Variants in ABL1 observed in about 807,000 individuals in gnomAD.
ABL1 encodes the protein tyrosine-protein kinase ABL1.
In ABL1, 11 loss-of-function variants were observed where a neutral mutation model predicts 94.7. The observed-to-expected ratio is 0.12, with a 90% CI of 0.07 to 0.19. ABL1 has a LOEUF of 0.19. Ranked by LOEUF, ABL1 falls within the 10% of genes least tolerant of loss-of-function variation. ABL1 has a pLI of 1.00. For synonymous variants in ABL1, 656 were observed against 622.4 expected (o/e 1.05, Z -0.80); for missense variants, 1,082 against 1,489.4 (o/e 0.73, Z 4.50).
rs751944744 is a variant in ABL1 at position 130,854,276 on chromosome 9, A to G, written c.253+39A>G. On this transcript the variant is annotated intron_variant, in intron 2 of 10. Coordinates refer to ENST00000318560, the MANE Select transcript of ABL1 (RefSeq NM_005157.6). ...GGGCAGCTAGTGGTGGTTGCAGGAGATAGAAATCTGGGAATTGCGGTTTGA... is the reference window on the plus strand; with the variant it reads ...GGGCAGCTAGTGGTGGTTGCAGGAGGTAGAAATCTGGGAATTGCGGTTTGA... The G allele has an allele frequency of 2.5e-6, 4 of 1,597,386 alleles. No individual in the cohort carries two copies. In the Admixed American group the frequency reaches 7.0e-5, roughly 28 times the overall value.
intron 1 of ABL1, among the ~76,000 whole-genome samples, chr9:130,802,278 GAAAC>G (rs1830066114): frequency 6.6e-6 from 1 of 151,774 alleles, no homozygotes; most frequent in East Asian, 1.9e-4. Flanking sequence ...ATTTTTACTA[GAAAC>G]AGAGTCTTGC....
At chr9:130,758,185 G>C (rs1832065537) in intron 1 of ABL1, among the ~76,000 whole-genome samples, 1 of 150,740 alleles carries the variant, frequency 6.6e-6, no homozygotes, top group Non-Finnish European at 1.5e-5. Context: ...TTTTGAGACA[G>C]AGTCTCGCTC....
At chr9:130,848,095 T>C (rs1225612356) in intron 1 of ABL1, among the ~76,000 whole-genome samples, 1 of 152,196 alleles carries the variant, frequency 6.6e-6, no homozygotes, top group African/African-American at 2.4e-5. Flanking sequence ...CAAAGTTGTA[T>C]GCTCATGGCC....
chr9:130,804,541 G>A (rs1285167484), intron 1 of ABL1, among the ~76,000 whole-genome samples: 4 of 152,144 alleles, frequency 2.6e-5, no homozygotes, highest in African/African-American at 9.7e-5. Context: ...CCAGGATCGC[G>A]CCATTGCACT....
chr9:130,876,334 T>C (rs1335702020), intron 7 of ABL1, among the ~76,000 whole-genome samples: 2 of 152,152 alleles, frequency 1.3e-5, no homozygotes, highest in Non-Finnish European at 2.9e-5. Flanking sequence ...AGTGGTACAG[T>C]TCATGTAGGA....
chr9:130,806,568 A>G (rs1003360354), intron 1 of ABL1, among the ~76,000 whole-genome samples: 1 of 152,214 alleles, frequency 6.6e-6, no homozygotes, highest in Non-Finnish European at 1.5e-5. Context: ...AGTCCCAGCT[A>G]CTTGGTAGGC....
chr9:130,828,194 C>G (rs768057875), intron 1 of ABL1, among the ~76,000 whole-genome samples: 1 of 152,110 alleles, frequency 6.6e-6, no homozygotes, highest in Admixed American at 6.5e-5. Flanking sequence ...CCCCAAGCAA[C>G]TGGGACTACA....
chr9:130,885,143 G>A lies in ABL1; in HGVS notation c.2853G>A (p.Pro951=), dbSNP rs147254521. The A allele has an allele frequency of 9.0e-5, 145 of 1,612,978 alleles. No homozygotes were observed. Among genetic ancestry groups the A allele is most frequent in the Middle Eastern group, 1.7e-4 (1 of 6,060 alleles). The change falls in exon 11 of 11, where the codon CCG becomes CCA. Residue 951 remains proline (P), a synonymous_variant. Coordinates refer to ENST00000318560, the MANE Select transcript of ABL1 (RefSeq NM_005157.6). ...VNSDAAKPSQ[P]GEGLKKPVLP... is the part of the protein sequence containing the mutation. ...GTGACGCTGCCAAGCCCAGCCAGCC[G>A]GGAGAGGGCCTCAAAAAGCCCGTGC...
Position 130,835,897 on chromosome 9 carries a change from C to T in ABL1, c.79+372C>T, listed in dbSNP as rs963190459. 6.6e-6 allele frequency among the ~76,000 whole-genome samples: 1 copy of T among 152,234 alleles called. No homozygotes were observed. The highest frequency in any genetic ancestry group is 2.4e-5 in the African/African-American group (1 of 41,462). ...CGGGGCCCCACAGTGCGGGCTCCCCCGAAAAAGTTTGAGAAAGCCAACTCG... is the reference window on the plus strand; with the variant it reads ...CGGGGCCCCACAGTGCGGGCTCCCCTGAAAAAGTTTGAGAAAGCCAACTCG... On this transcript the variant is annotated intron_variant, in intron 1 of 10. Transcript: ENST00000318560. This position sits in a 1 kb window ranked among gnomAD's most constrained non-coding sequence, Gnocchi z 4.6.
At chr9:130,724,097 A>G (rs1831548843) in intron 1 of ABL1, among the ~76,000 whole-genome samples, 7 of 152,196 alleles carry the variant, frequency 4.6e-5, no homozygotes, top group Non-Finnish European at 8.8e-5. Context: ...GGCGTGAGCC[A>G]CCATGCGTGG....
intron 1 of ABL1, among the ~76,000 whole-genome samples, chr9:130,748,605 T>G (rs2132723229): frequency 6.6e-6 from 1 of 151,232 alleles, no homozygotes. Context: ...AGACGGAGTC[T>G]TGCTCTGTCG....
intron 1 of ABL1, among the ~76,000 whole-genome samples, chr9:130,842,036 A>G (rs1374601242): frequency 4.0e-5 from 6 of 149,534 alleles, no homozygotes; most frequent in Admixed American, 1.3e-4. Flanking sequence ...CAGGAAAGGG[A>G]AAAAAAAACA....
chr9:130,753,294 G>A (rs1831991587), intron 1 of ABL1, among the ~76,000 whole-genome samples: 1 of 152,102 alleles, frequency 6.6e-6, no homozygotes, highest in African/African-American at 2.4e-5. Flanking sequence ...TACTTGTGCT[G>A]CAGAGGTGAA....
At position 130,884,158 on chromosome 9, in the gene ABL1, A is replaced by C; in HGVS notation, c.1868A>C (p.Glu623Ala). The C allele has an allele frequency of 2.5e-6, 4 of 1,613,120 alleles. No individual in the cohort carries two copies. Among genetic ancestry groups the C allele is most frequent in the Non-Finnish European group, 3.4e-6 (4 of 1,179,908 alleles). Residue 623 changes from glutamate (E) to alanine (A), a missense_variant, in exon 11 of 11, where the codon GAG becomes GCG. Around this residue, in one of 7 missense-constraint regions of ABL1, gnomAD observed 780 missense variants for 835.8 expected, o/e 0.93. Transcript: ENST00000318560. The surrounding 1 kb of genome is among the most constrained non-coding windows in gnomAD (Gnocchi z 5.6). ...TPPKRSSSFR[E>A]MDGQPERRGA... The stretch of plus-strand genomic sequence containing the variant: ...CCCAAACGCAGCAGCTCCTTCCGGG[A>C]GATGGACGGCCAGCCGGAGCGCAGA...
At position 130,835,334 on chromosome 9, in the gene ABL1, G is replaced by GA; in HGVS notation, c.-113_-112insA. 1 of 205,780 alleles carries GA rather than the reference G, an allele frequency of 4.9e-6. No individual in the cohort carries two copies. The highest frequency in any genetic ancestry group is 5.3e-6 in the Non-Finnish European group (1 of 187,364). The allele number at this position is 205,780 out of a possible 1,614,324, so 12.7% of individuals were successfully genotyped here. A position where few individuals can be genotyped will look rare whatever the true frequency, so the allele number is the denominator to read the frequency against. Reference sequence around the variant, plus strand: ...GGGCGCGCGGGGCGGCGGTGAGGGCGGCTGGCGGGGCCGGGGGCGCCGGGG... The same window carrying GA: ...GGGCGCGCGGGGCGGCGGTGAGGGCGAGCTGGCGGGGCCGGGGGCGCCGGGG... On this transcript the variant is annotated 5_prime_UTR_variant, in exon 1 of 11. Coordinates refer to ENST00000318560, the MANE Select transcript of ABL1 (RefSeq NM_005157.6). The surrounding 1 kb of genome is among the most constrained non-coding windows in gnomAD (Gnocchi z 4.6).
intron 1 of ABL1, among the ~76,000 whole-genome samples, chr9:130,735,185 A>AGG (rs1217030558): frequency 1.8e-4 from 28 of 152,040 alleles, no homozygotes; most frequent in African/African-American, 5.8e-4. Context: ...ACCTGCCACC[A>AGG]CATCTGGCTA....
chr9:130,839,590 C>T (rs1830638100), intron 1 of ABL1, among the ~76,000 whole-genome samples: 1 of 152,076 alleles, frequency 6.6e-6, no homozygotes, highest in African/African-American at 2.4e-5. Context: ...GAGGAAGGGC[C>T]CCAGTTTAGG....
intron 1 of ABL1, among the ~76,000 whole-genome samples, chr9:130,793,963 G>A (rs545351788): frequency 9.8e-5 from 15 of 152,286 alleles, no homozygotes; most frequent in Non-Finnish European, 1.5e-4. Flanking sequence ...ATCTCTCATT[G>A]TCTCTTATCA....
intron 1 of ABL1, among the ~76,000 whole-genome samples, chr9:130,830,045 C>G (rs1277041406): frequency 2.0e-5 from 3 of 151,964 alleles, no homozygotes; most frequent in Non-Finnish European, 4.4e-5. Flanking sequence ...CTATTTTTAG[C>G]CTTTTTTACA....
Sources: gnomAD v4.1 joint callset for allele counts (sites outside exome capture counted in the v4.1 genomes callset) on GRCh38, gnomAD v4.1.1 for gene constraint, gnomAD v4.1.1 regional missense constraint, Gnocchi (gnomAD v3.1) non-coding constraint, MANE v1.5 for transcripts, NCBI Gene and HGNC (gene_info 2026-07-23, HGNC 2026-07-21) for gene names.